SNX29: variants seen among roughly 807,000 people sequenced by gnomAD.
SNX29 encodes the protein sorting nexin-29.
In SNX29, 78 loss-of-function variants were observed where a neutral mutation model predicts 102.1. The ratio of observed to expected loss-of-function variants is 0.76; its 90% CI spans 0.64 to 0.92. SNX29 has a LOEUF of 0.92. Among genes scored for constraint, SNX29 ranks in the 40% least tolerant of loss-of-function variants. The probability of loss-of-function intolerance (pLI) is 0.00; values close to 1 mark genes in which losing one functional copy is unlikely to be tolerated. For synonymous variants in SNX29, 580 were observed against 414.5 expected, an observed-to-expected ratio of 1.40 and a Z score of -4.85; for missense variants, 1,280 against 1,061.7, an observed-to-expected ratio of 1.21 and a Z score of -2.86.
chr16:12,572,706 C>CCA lies in SNX29; in HGVS notation c.*4078_*4079dup. 9.4e-7 allele frequency: 1 copy of CCA among 1,063,934 alleles called. No homozygotes were observed. 65.9% of individuals were successfully genotyped at this position (1,063,934 alleles called of 1,614,324 possible). ...AAGCCCTGCACTCCAGCAGCATCTT[C>CCA]CAGCCTTGGCACAGAACTGATGGCA... On this transcript the variant is annotated 3_prime_UTR_variant, in exon 21 of 21. Coordinates refer to ENST00000566228, the MANE Select transcript of SNX29 (RefSeq NM_032167.5).
In SNX29 at chr16:12,271,459, T is replaced by A. The variant is rs145338456; in HGVS notation, c.1679-6474T>A. Among the ~76,000 whole-genome samples, 218 of 152,318 alleles carry A rather than the reference T, an allele frequency of 1.4e-3. 2 individuals carry two copies. In the East Asian group the frequency reaches 0.018, roughly 12 times the overall value. On this transcript the variant is annotated intron_variant, in intron 14 of 20. Transcript: ENST00000566228. Reference sequence around the variant, plus strand: ...ACTTAATCTCAGTGGTGAAACCCCATCACTTCTGCCATAGTCTGTTTATTG... The same window carrying A: ...ACTTAATCTCAGTGGTGAAACCCCAACACTTCTGCCATAGTCTGTTTATTG...
intron 16 of SNX29, among the ~76,000 whole-genome samples, chr16:12,381,577 A>C (rs1013911800): frequency 6.1e-5 from 2 of 32,622 alleles, no homozygotes; most frequent in Non-Finnish European, 5.8e-5. Flanking sequence ...CCCATCATCC[A>C]CCCACCCACT....
At chr16:12,442,596 T>G (rs2085857830) in intron 18 of SNX29, among the ~76,000 whole-genome samples, 2 of 151,926 alleles carry the variant, frequency 1.3e-5, no homozygotes, top group Admixed American at 6.6e-5. Flanking sequence ...TTTGTTTTTT[T>G]TTTTTTGATA....
At position 12,503,478 on chromosome 16, in the gene SNX29, G is replaced by A. The variant is rs1016331212; in HGVS notation, c.2179-21224G>A. Among the ~76,000 whole-genome samples the A allele has an allele frequency of 5.9e-5, 9 of 152,158 alleles. No individual in the cohort carries two copies. The East Asian group carries it at 1.7e-3, about 29-fold the overall frequency. ...CCAGGATGGGCAGCCCAGGGAAGGA[G>A]GGTCTGTGACCAGAACAATAAGTGG... On this transcript the variant is annotated intron_variant, in intron 19 of 20. Coordinates refer to ENST00000566228, the MANE Select transcript of SNX29 (RefSeq NM_032167.5).
intron 18 of SNX29, among the ~76,000 whole-genome samples, chr16:12,436,879 C>G (rs1295814472): frequency 6.6e-6 from 1 of 152,274 alleles, no homozygotes; most frequent in Non-Finnish European, 1.5e-5. Context: ...TTTCGAACTA[C>G]TGGCCTCAAG....
At chr16:12,497,101 G>T (rs949463437) in intron 19 of SNX29, among the ~76,000 whole-genome samples, 1 of 152,170 alleles carries the variant, frequency 6.6e-6, no homozygotes, top group Non-Finnish European at 1.5e-5. Flanking sequence ...TGCCCTCCCT[G>T]TTATCTCCAG....
chr16:12,404,479 T>G (rs1428203090), intron 18 of SNX29, among the ~76,000 whole-genome samples: 1 of 152,190 alleles, frequency 6.6e-6, no homozygotes, highest in Non-Finnish European at 1.5e-5. Context: ...ACTGCTTTGT[T>G]CTCAGTGCTG....
intron 3 of SNX29, among the ~76,000 whole-genome samples, chr16:12,009,043 A>G (rs964365600): frequency 6.6e-6 from 1 of 152,144 alleles, no homozygotes; most frequent in African/African-American, 2.4e-5. Flanking sequence ...CGCCCGGCCT[A>G]TGTTTAGTTT....
chr16:12,105,095 AG>A (rs2053175748), intron 11 of SNX29, among the ~76,000 whole-genome samples: 1 of 152,202 alleles, frequency 6.6e-6, no homozygotes, highest in Admixed American at 6.5e-5. Context: ...CAGTCTTCAG[AG>A]CATGAGGCAA....
intron 14 of SNX29, among the ~76,000 whole-genome samples, chr16:12,202,468 A>G (rs2076936350): frequency 6.6e-6 from 1 of 151,966 alleles, no homozygotes; most frequent in Non-Finnish European, 1.5e-5. Context: ...TGAATCTCTC[A>G]CCTCAGGGCA....
rs545834044 is a variant in SNX29, at chr16:12,570,803, A to T, written c.*2174A>T. On this transcript the variant is annotated 3_prime_UTR_variant, in exon 21 of 21. Coordinates refer to ENST00000566228, the MANE Select transcript of SNX29 (RefSeq NM_032167.5). ...TGCAACAGTCCCCCATTGCTGAGAGATACTAACCCGTGAGAAACAAGTATG... is the reference window on the plus strand; with the variant it reads ...TGCAACAGTCCCCCATTGCTGAGAGTTACTAACCCGTGAGAAACAAGTATG... The T allele has an allele frequency of 4.7e-4, 109 of 232,566 alleles. 1 individual carries two copies. Among genetic ancestry groups the T allele is most frequent in the African/African-American group, 2.1e-3 (97 of 45,416 alleles). The allele number at this position is 232,566 out of a possible 1,614,324, so 14.4% of individuals were successfully genotyped here. A position where few individuals can be genotyped will look rare whatever the true frequency, so the allele number is the denominator to read the frequency against.
chr16:12,156,053 C>A (rs1453774294), intron 13 of SNX29, among the ~76,000 whole-genome samples: 1 of 152,240 alleles, frequency 6.6e-6, no homozygotes, highest in Non-Finnish European at 1.5e-5. Context: ...TTTGCTGTTC[C>A]TTAACGTGCG....
chr16:12,416,883 C>T (rs1471208990), intron 18 of SNX29, among the ~76,000 whole-genome samples: 2 of 152,374 alleles, frequency 1.3e-5, no homozygotes, highest in Non-Finnish European at 2.9e-5. Context: ...ACTAGGCCCA[C>T]CTCCAGCTTC....
At chr16:12,351,615 A>G (rs1043372809) in intron 15 of SNX29, among the ~76,000 whole-genome samples, 3 of 152,234 alleles carry the variant, frequency 2.0e-5, no homozygotes, top group Non-Finnish European at 4.4e-5. Flanking sequence ...CTGATTTGGC[A>G]GGTAATTATG....
chr16:12,535,127 G>C (rs1011175951), intron 20 of SNX29, among the ~76,000 whole-genome samples: 1 of 152,174 alleles, frequency 6.6e-6, no homozygotes, highest in Non-Finnish European at 1.5e-5. Flanking sequence ...CCAGGGTCCA[G>C]GTATTAGGCC....
At chr16:12,133,449 C>T (rs774168239) in intron 13 of SNX29, among the ~76,000 whole-genome samples, 7 of 151,910 alleles carry the variant, frequency 4.6e-5, no homozygotes, top group Non-Finnish European at 1.0e-4. Context: ...ACCACCATAG[C>T]CAGCTAATTT....
At chr16:12,004,510 C>T (rs946023881) in intron 3 of SNX29, among the ~76,000 whole-genome samples, 1 of 152,092 alleles carries the variant, frequency 6.6e-6, no homozygotes, top group Non-Finnish European at 1.5e-5. Context: ...TGAGCTCAGT[C>T]AGAGCTGATC....
At chr16:12,219,779 G>A (rs1165631702) in intron 14 of SNX29, among the ~76,000 whole-genome samples, 1 of 152,212 alleles carries the variant, frequency 6.6e-6, no homozygotes, top group Non-Finnish European at 1.5e-5. Context: ...TGAAAAGAGT[G>A]GATTTAGGGG....
rs187727380 is a variant in SNX29, at chr16:12,571,162, G to A, written c.*2533G>A. The A allele has an allele frequency of 5.4e-4, 126 of 232,642 alleles. 2 individuals carry two copies. The highest frequency in any genetic ancestry group is 2.3e-3 in the African/African-American group (104 of 45,398). 14.4% of individuals were successfully genotyped at this position (232,642 alleles called of 1,614,324 possible). A position where few individuals can be genotyped will look rare whatever the true frequency, so the allele number is the denominator to read the frequency against. On this transcript the variant is annotated 3_prime_UTR_variant, in exon 21 of 21. Coordinates refer to ENST00000566228, the MANE Select transcript of SNX29 (RefSeq NM_032167.5). ...CCATCTTGCTGCTCAGAAGAATCCCGTCCTGCTCTCTAGTGTGGTGGGATG... is the reference window on the plus strand; with the variant it reads ...CCATCTTGCTGCTCAGAAGAATCCCATCCTGCTCTCTAGTGTGGTGGGATG...
Sources: gnomAD v4.1 joint callset for allele counts (sites outside exome capture counted in the v4.1 genomes callset) on GRCh38, gnomAD v4.1.1 for gene constraint, MANE v1.5 for transcripts, NCBI Gene and HGNC (gene_info 2026-07-23, HGNC 2026-07-21) for gene names.